Variants in CEP112 observed in about 807,000 individuals in gnomAD.
CEP112 encodes the protein centrosomal protein of 112 kDa.
In CEP112, 127 loss-of-function variants were observed where a neutral mutation model predicts 153.0. The observed-to-expected ratio is 0.83, with a 90% CI of 0.72 to 0.96. CEP112 has a LOEUF of 0.96. Among genes scored for constraint, CEP112 ranks in the 40% least tolerant of loss-of-function variants. CEP112 has a pLI of 0.00. For missense variants in CEP112, 1,089 were observed against 1,101.2 expected (o/e 0.99, Z 0.16); for synonymous variants, 358 against 374.4 (o/e 0.96, Z 0.51).
Position 65,710,673 on chromosome 17 carries a change from G to A in CEP112, c.2608-21455C>T, listed in dbSNP as rs115910086. 7.4e-3 allele frequency among the ~76,000 whole-genome samples: 1,133 copies of A among 152,286 alleles called. 19 individuals carry two copies. Among genetic ancestry groups the A allele is most frequent in the African/African-American group, 0.026 (1,066 of 41,550 alleles). The stretch of plus-strand genomic sequence containing the variant: ...GGTATTTTCCATAGAAACCTCTTAT[G>A]TAAGAGGAACTGAAGATATGAAGGC... On this transcript the variant is annotated intron_variant, in intron 23 of 26. Transcript: ENST00000535342.
intron 24 of CEP112, among the ~76,000 whole-genome samples, chr17:65,679,137 T>TTTTTTTTTTTG (rs1256958021): frequency 3.9e-5 from 3 of 76,856 alleles, no homozygotes; most frequent in Non-Finnish European, 7.6e-5. Context: ...AGCTTTTTTT[T>TTTTTTTTTTTG]TTTTTTTTTT....
intron 19 of CEP112, among the ~76,000 whole-genome samples, chr17:65,924,314 T>C (rs1230939745): frequency 6.6e-6 from 1 of 152,184 alleles, no homozygotes; most frequent in Non-Finnish European, 1.5e-5. Context: ...TTCATAACTT[T>C]TTTCAGTATT....
intron 11 of CEP112, among the ~76,000 whole-genome samples, chr17:66,057,141 A>G (rs2066723685): frequency 6.6e-6 from 1 of 152,206 alleles, no homozygotes. Flanking sequence ...TGAAAGACCA[A>G]TTTGGCTGTA....
At chr17:65,848,468 C>T (rs2057805600) in intron 21 of CEP112, among the ~76,000 whole-genome samples, 3 of 152,086 alleles carry the variant, frequency 2.0e-5, no homozygotes, top group African/African-American at 7.2e-5. Context: ...CCTTCGTGAC[C>T]CTTCTTCAAC....
At chr17:66,045,198 G>A (rs1194794546) in intron 12 of CEP112, among the ~76,000 whole-genome samples, 1 of 151,918 alleles carries the variant, frequency 6.6e-6, no homozygotes, top group Non-Finnish European at 1.5e-5. Flanking sequence ...GGCCCCACAA[G>A]TAGCTGGGAC....
At chr17:65,692,736 G>T (rs1285991844) in intron 23 of CEP112, among the ~76,000 whole-genome samples, 1 of 152,026 alleles carries the variant, frequency 6.6e-6, no homozygotes, top group African/African-American at 2.4e-5. Context: ...GTGTTTAAGA[G>T]AATTAATTTA....
intron 21 of CEP112, among the ~76,000 whole-genome samples, chr17:65,834,022 T>C (rs1339085199): frequency 2.0e-5 from 3 of 151,712 alleles, no homozygotes; most frequent in African/African-American, 7.3e-5. Context: ...AATGAAACAG[T>C]ATAGAAAGCC....
intron 11 of CEP112, among the ~76,000 whole-genome samples, chr17:66,057,758 T>TACACACACAC (rs71160526): frequency 2.4e-4 from 34 of 142,486 alleles, no homozygotes; most frequent in African/African-American, 8.2e-4. Context: ...AAAATTACTC[T>TACACACACAC]ACACACACAC....
intron 19 of CEP112, chr17:65,903,293 C>A (rs1314645132): frequency 6.6e-6 from 1 of 152,170 alleles, no homozygotes; most frequent in Non-Finnish European, 1.5e-5. Flanking sequence ...GCGTGAGAAT[C>A]CATCTTCAAA....
In CEP112 at chr17:66,185,231, T is replaced by A. The variant is rs186653158; in HGVS notation, c.-8-1924A>T. 9.9e-4 allele frequency among the ~76,000 whole-genome samples: 151 copies of A among 152,110 alleles called. 1 individual carries two copies. Among genetic ancestry groups the A allele is most frequent in the Middle Eastern group, 3.4e-3 (1 of 292 alleles). On this transcript the variant is annotated intron_variant, in intron 1 of 26. Coordinates refer to ENST00000535342, the MANE Select transcript of CEP112 (RefSeq NM_001199165.4). The stretch of plus-strand genomic sequence containing the variant: ...TTTGCTGTATATAAGTTAAAAAAAA[T>A]TTTTTTTGAGACAGAGTCTTGCTCT...
chr17:65,687,160 A>ATTTTTTTTTTTTT (rs35675811), intron 24 of CEP112, among the ~76,000 whole-genome samples: 1 of 90,142 alleles, frequency 1.1e-5, no homozygotes, highest in Non-Finnish European at 2.0e-5. Context: ...GTTATTATTA[A>ATTTTTTTTTTTTT]TTTTTTTTTT....
rs2070241977 is a variant in CEP112 at position 66,132,665 on chromosome 17, C to T, written c.564+5G>A. 1 of 1,599,938 alleles carries T rather than the reference C, an allele frequency of 6.3e-7. No individual in the cohort carries two copies. Among genetic ancestry groups the T allele is most frequent in the Non-Finnish European group, 8.6e-7 (1 of 1,167,248 alleles). ...AAACCAAACAAAAGTAAAATCTAAT[C>T]TTACACAAATCTTTGGGGTAATATT... On this transcript the variant is annotated splice_donor_5th_base_variant and intron_variant, in intron 5 of 26. Coordinates refer to ENST00000535342, the MANE Select transcript of CEP112 (RefSeq NM_001199165.4).
intron 23 of CEP112, among the ~76,000 whole-genome samples, chr17:65,721,195 A>G (rs1003660798): frequency 6.6e-6 from 1 of 151,942 alleles, no homozygotes; most frequent in African/African-American, 2.4e-5. Context: ...TATTTTTAGT[A>G]GAGACGGGGT....
rs73346563 is a variant in CEP112, at chr17:66,040,272, G to A, written c.1219-10249C>T. 8.7e-3 allele frequency among the ~76,000 whole-genome samples: 1,319 copies of A among 152,148 alleles called. 23 individuals carry two copies. Among genetic ancestry groups the A allele is most frequent in the African/African-American group, 0.03 (1,252 of 41,518 alleles). ...CTTTTTGTAGGTATGTAGAGATACT[G>A]AATTTACATTTCCCTGACTATTAAT... On this transcript the variant is annotated intron_variant, in intron 12 of 26. Coordinates refer to ENST00000535342, the MANE Select transcript of CEP112 (RefSeq NM_001199165.4).
At chr17:65,838,112 CAAT>C (rs1276640570) in intron 21 of CEP112, among the ~76,000 whole-genome samples, 1 of 151,754 alleles carries the variant, frequency 6.6e-6, no homozygotes, top group Admixed American at 6.6e-5. Context: ...AAAAAAAATA[CAAT>C]GATACAATTA....
At chr17:65,914,535 T>C (rs1334308055) in intron 19 of CEP112, among the ~76,000 whole-genome samples, 1 of 152,054 alleles carries the variant, frequency 6.6e-6, no homozygotes, top group African/African-American at 2.4e-5. Flanking sequence ...CATCACCAAA[T>C]TGGCTGGTCC....
chr17:65,713,831 G>A (rs1016781344), intron 23 of CEP112, among the ~76,000 whole-genome samples: 3 of 151,882 alleles, frequency 2.0e-5, no homozygotes, highest in African/African-American at 7.3e-5. Flanking sequence ...CTCGTGATCC[G>A]CCCGCCTCGG....
chr17:65,923,773 A>T (rs1824161449), intron 19 of CEP112, among the ~76,000 whole-genome samples: 1 of 152,066 alleles, frequency 6.6e-6, no homozygotes, highest in African/African-American at 2.4e-5. Flanking sequence ...ATCTTACAGA[A>T]TTTTTTCACT....
At position 65,846,772 on chromosome 17, in the gene CEP112, T is replaced by C. The variant is rs563026444; in HGVS notation, c.2394+5032A>G. ...TTTTAGTAGAGACGGGGTTTCACCG[T>C]GTTAGCCAGGATGGTCTCGATCTCC... On this transcript the variant is annotated intron_variant, in intron 21 of 26. Coordinates refer to ENST00000535342, the MANE Select transcript of CEP112 (RefSeq NM_001199165.4). 2.0e-5 allele frequency among the ~76,000 whole-genome samples: 3 copies of C among 152,252 alleles called. No homozygotes were observed. The South Asian group carries it at 6.2e-4, about 32-fold the overall frequency.
Sources: gnomAD v4.1 joint callset for allele counts (sites outside exome capture counted in the v4.1 genomes callset) on GRCh38, gnomAD v4.1.1 for gene constraint, MANE v1.5 for transcripts, NCBI Gene and HGNC (gene_info 2026-07-23, HGNC 2026-07-21) for gene names.